The following CDH13 variants were observed in gnomAD, a reference collection of about 807,000 sequenced individuals.
CDH13 encodes the protein cadherin 13, also known as cadherin-13.
Under a neutral mutation model 63.8 loss-of-function variants are expected in CDH13, and 24 were observed. The observed-to-expected ratio is 0.38, with a 90% CI of 0.27 to 0.53. The LOEUF is 0.53. Ranked by LOEUF, CDH13 falls within the 20% of genes least tolerant of loss-of-function variation. The probability of loss-of-function intolerance (pLI) is 0.85; values close to 1 mark genes in which losing one functional copy is unlikely to be tolerated. For missense variants in CDH13, 1,049 were observed against 903.1 expected (o/e 1.16, Z -2.07); for synonymous variants, 503 against 355.3 (o/e 1.42, Z -4.67).
chr16:83,040,749 G>C (rs1335969359), intron 3 of CDH13, among the ~76,000 whole-genome samples: 1 of 152,150 alleles, frequency 6.6e-6, no homozygotes, highest in African/African-American at 2.4e-5. Flanking sequence ...CAATCGAGTT[G>C]ACAATCAATA....
Position 83,733,729 on chromosome 16 carries a change from AG to A in CDH13, c.1539-14375del, listed in dbSNP as rs1435579809. On this transcript the variant is annotated intron_variant, in intron 10 of 13. Transcript: ENST00000567109. ...AAATAAACTCTGAGAACAAATACAG[AG>A]GGGTGATTAACTTTCCCATTCTGGT... is the stretch of plus-strand genomic sequence containing the variant. Among the ~76,000 whole-genome samples the A allele has an allele frequency of 2.0e-5, 3 of 152,302 alleles. No individual in the cohort carries two copies. The East Asian group carries it at 5.8e-4, about 29-fold the overall frequency.
intron 2 of CDH13, among the ~76,000 whole-genome samples, chr16:82,864,245 C>G (rs2040043981): frequency 6.6e-6 from 1 of 152,078 alleles, no homozygotes; most frequent in African/African-American, 2.4e-5. Flanking sequence ...GAGACATTTT[C>G]ATGAAGGGAC....
At chr16:83,523,993 A>T (rs183598427) in intron 7 of CDH13, among the ~76,000 whole-genome samples, 4 of 152,178 alleles carry the variant, frequency 2.6e-5, no homozygotes, top group Non-Finnish European at 4.4e-5. Flanking sequence ...GCACCTCTCA[A>T]CCAAGATTCT....
chr16:83,587,470 T>G (rs1906281330), intron 7 of CDH13, among the ~76,000 whole-genome samples: 1 of 152,186 alleles, frequency 6.6e-6, no homozygotes, highest in South Asian at 2.1e-4. Flanking sequence ...TTCTGGACGT[T>G]TTGACCAGTA....
chr16:83,180,802 T>C, intron 4 of CDH13: 2 of 1,025,754 alleles, frequency 1.9e-6, no homozygotes, highest in Non-Finnish European at 2.9e-6. Flanking sequence ...CATGATGCTG[T>C]AGTCATTTGT....
At chr16:83,011,865 A>C (rs1315336883) in intron 2 of CDH13, among the ~76,000 whole-genome samples, 1 of 152,178 alleles carries the variant, frequency 6.6e-6, no homozygotes, top group Non-Finnish European at 1.5e-5. Flanking sequence ...TTTCTTTCTT[A>C]GAGGGGAGTT....
At chr16:83,659,602 G>A (rs544564349) in intron 8 of CDH13, among the ~76,000 whole-genome samples, 1 of 152,308 alleles carries the variant, frequency 6.6e-6, no homozygotes, top group Admixed American at 6.5e-5. Flanking sequence ...AACGATCTCT[G>A]AAAGCAGGAC....
intron 4 of CDH13, chr16:83,180,918 A>G: frequency 1.3e-6 from 2 of 1,531,796 alleles, no homozygotes; most frequent in South Asian, 1.2e-5. Flanking sequence ...TGAAGGCATT[A>G]CAGCAGATTT....
chr16:83,312,448 G>A (rs889290949), intron 5 of CDH13, among the ~76,000 whole-genome samples: 2 of 152,172 alleles, frequency 1.3e-5, no homozygotes, highest in African/African-American at 2.4e-5. Flanking sequence ...TGTCTCTTAG[G>A]CAGAACCAAT....
intron 6 of CDH13, among the ~76,000 whole-genome samples, chr16:83,395,137 G>T (rs1419744793): frequency 3.6e-5 from 4 of 111,484 alleles, no homozygotes; most frequent in Non-Finnish European, 7.0e-5. Flanking sequence ...GACAGAGCGA[G>T]ACTCCATCTC....
At chr16:82,820,240 G>T (rs933098834) in intron 1 of CDH13, among the ~76,000 whole-genome samples, 1 of 152,154 alleles carries the variant, frequency 6.6e-6, no homozygotes, top group Admixed American at 6.5e-5. Context: ...ATAGTGAATG[G>T]AAAGCACCAA....
chr16:82,967,816 G>A (rs891090893), intron 2 of CDH13, among the ~76,000 whole-genome samples: 3 of 152,184 alleles, frequency 2.0e-5, no homozygotes, highest in Admixed American at 1.3e-4. Flanking sequence ...CACTTACAGA[G>A]GGTGGTGTCT....
At chr16:83,394,942 G>A (rs2091857272) in intron 6 of CDH13, among the ~76,000 whole-genome samples, 1 of 152,092 alleles carries the variant, frequency 6.6e-6, no homozygotes, top group African/African-American at 2.4e-5. Context: ...GTGGTCAGGT[G>A]TTTGAAACCA....
chr16:82,863,199 G>C (rs1251678617), intron 2 of CDH13, among the ~76,000 whole-genome samples: 1 of 152,192 alleles, frequency 6.6e-6, no homozygotes, highest in Non-Finnish European at 1.5e-5. Flanking sequence ...AGCTGTCTTG[G>C]AGTAACCAAG....
At position 83,479,740 on chromosome 16, in the gene CDH13, G is replaced by C. The variant is rs536441698; in HGVS notation, c.782-6737G>C. Among the ~76,000 whole-genome samples, 3 of 152,218 alleles carry C rather than the reference G, an allele frequency of 2.0e-5. No homozygotes were observed. The South Asian group carries it at 6.2e-4, about 32-fold the overall frequency. ...AGATTAATTTGTGCATTCTCAAAGG[G>C]GGTAATATTACTTCTAAGCAAGAGA... is the stretch of plus-strand genomic sequence containing the variant. On this transcript the variant is annotated intron_variant, in intron 6 of 13. Coordinates refer to ENST00000567109, the MANE Select transcript of CDH13 (RefSeq NM_001257.5).
At chr16:83,034,825 C>G (rs146153125) in intron 3 of CDH13, among the ~76,000 whole-genome samples, 18 of 152,304 alleles carry the variant, frequency 1.2e-4, no homozygotes, top group South Asian at 2.1e-4. Context: ...GTTTGTACCT[C>G]AAGTTTCTGT....
At chr16:82,910,692 T>C (rs932678456) in intron 2 of CDH13, among the ~76,000 whole-genome samples, 2 of 152,220 alleles carry the variant, frequency 1.3e-5, no homozygotes, top group African/African-American at 2.4e-5. Context: ...GTGGTACTTA[T>C]TGGTGGCCAT....
At chr16:82,656,843 C>G (rs371962057) in intron 1 of CDH13, among the ~76,000 whole-genome samples, 3 of 151,886 alleles carry the variant, frequency 2.0e-5, no homozygotes, top group African/African-American at 4.8e-5. Context: ...TAGTATGTAG[C>G]CTTTTCAAAT....
At chr16:82,911,288 T>C in intron 2 of CDH13, among the ~76,000 whole-genome samples, 1 of 152,218 alleles carries the variant, frequency 6.6e-6, no homozygotes, top group Non-Finnish European at 1.5e-5. Flanking sequence ...TCAGAGTTTA[T>C]GGCAACATCA....
Sources: gnomAD v4.1 joint callset for allele counts (sites outside exome capture counted in the v4.1 genomes callset) on GRCh38, gnomAD v4.1.1 for gene constraint, MANE v1.5 for transcripts, NCBI Gene and HGNC (gene_info 2026-07-23, HGNC 2026-07-21) for gene names.